Variants in XKR6 observed in about 807,000 individuals in gnomAD.
The protein encoded by XKR6 is XK related 6, also known as XK-related protein 6.
Under a neutral mutation model 56.7 loss-of-function variants are expected in XKR6, and 22 were observed. The ratio of observed to expected loss-of-function variants is 0.39; its 90% CI spans 0.28 to 0.55. The LOEUF (loss-of-function observed/expected upper bound fraction) is 0.55, where lower values mean the gene tolerates loss of function less well. XKR6 is among the 20% of genes least tolerant of loss of function. The pLI is 0.66. For missense variants in XKR6, 852 were observed against 889.0 expected (o/e 0.96, Z 0.53); for synonymous variants, 524 against 387.8 (o/e 1.35, Z -4.13).
chr8:10,916,069 A>C (rs1800556007), intron 2 of XKR6, among the ~76,000 whole-genome samples: 1 of 152,222 alleles, frequency 6.6e-6, no homozygotes, highest in Non-Finnish European at 1.5e-5. Flanking sequence ...ACCTGACCCC[A>C]AGATCAGCAC....
At chr8:11,000,802 G>C (rs574208283) in intron 1 of XKR6, among the ~76,000 whole-genome samples, 1 of 152,298 alleles carries the variant, frequency 6.6e-6, no homozygotes, top group African/African-American at 2.4e-5. Flanking sequence ...TTTTTAACTG[G>C]ATGTGAAGGG....
intron 1 of XKR6, among the ~76,000 whole-genome samples, chr8:11,031,164 G>C (rs978580386): frequency 6.6e-6 from 1 of 152,132 alleles, no homozygotes. Context: ...ATCCAAGCTG[G>C]GCCAATCAGA....
At chr8:10,903,483 G>C (rs1479954497) in intron 2 of XKR6, among the ~76,000 whole-genome samples, 1 of 152,144 alleles carries the variant, frequency 6.6e-6, no homozygotes, top group East Asian at 1.9e-4. Context: ...AGAAGGGCCT[G>C]GGGAGGTAGG....
intron 1 of XKR6, among the ~76,000 whole-genome samples, chr8:10,960,049 G>A (rs773763664): frequency 1.3e-5 from 2 of 152,194 alleles, no homozygotes; most frequent in Non-Finnish European, 2.9e-5. Context: ...CACCTTGTGT[G>A]TCTCACCCTA....
At chr8:11,148,943 A>G (rs1801130493) in intron 1 of XKR6, among the ~76,000 whole-genome samples, 1 of 152,264 alleles carries the variant, frequency 6.6e-6, no homozygotes, top group South Asian at 2.1e-4. Flanking sequence ...AATTCCATCA[A>G]CGTAAGATTC....
intron 1 of XKR6, among the ~76,000 whole-genome samples, chr8:11,196,627 G>A (rs1296597206): frequency 1.3e-5 from 2 of 152,182 alleles, no homozygotes; most frequent in African/African-American, 4.8e-5. Flanking sequence ...TATTTATTAA[G>A]AACACAAATC....
chr8:10,941,372 C>T (rs1801382470), intron 1 of XKR6, among the ~76,000 whole-genome samples: 1 of 152,242 alleles, frequency 6.6e-6, no homozygotes, highest in African/African-American at 2.4e-5. Flanking sequence ...TGCTTCTGCC[C>T]TGACCCCAGG....
chr8:11,195,534 T>C (rs1262192860), intron 1 of XKR6, among the ~76,000 whole-genome samples: 1 of 152,212 alleles, frequency 6.6e-6, no homozygotes, highest in Non-Finnish European at 1.5e-5. Flanking sequence ...GCACATCCAC[T>C]TCCTGATCAG....
chr8:11,164,000 A>C (rs1343398668), intron 1 of XKR6, among the ~76,000 whole-genome samples: 1 of 152,194 alleles, frequency 6.6e-6, no homozygotes, highest in Non-Finnish European at 1.5e-5. Context: ...ACATGCTTCC[A>C]AACAGTAATG....
At chr8:11,067,465 G>A (rs1245124682) in intron 1 of XKR6, among the ~76,000 whole-genome samples, 1 of 152,198 alleles carries the variant, frequency 6.6e-6, no homozygotes, top group Non-Finnish European at 1.5e-5. Flanking sequence ...GGCTTTTTGA[G>A]CCTTAACGTT....
rs982562203 is a variant in XKR6 at position 10,924,662 on chromosome 8, G to C, written c.933C>G (p.Leu311=). The change falls in exon 2 of 3, where the codon CTC becomes CTG. Residue 311 remains leucine (L), a synonymous_variant. Transcript: ENST00000416569. ...GCAGGGTCTCGGCGCTGTTCTTCTG[G>C]AGCATGATGTAGAGCTGTAGCACCA... ...PQLVLQLYIM[L]QKNSAETLPC... is the part of the protein sequence containing the mutation. 1 of 1,611,048 alleles carries C rather than the reference G, an allele frequency of 6.2e-7. No homozygotes were observed. The highest frequency in any genetic ancestry group is 8.5e-7 in the Non-Finnish European group (1 of 1,178,624).
chr8:11,118,708 T>C (rs1799297656), intron 1 of XKR6, among the ~76,000 whole-genome samples: 1 of 152,316 alleles, frequency 6.6e-6, no homozygotes, highest in Middle Eastern at 3.4e-3. Context: ...TTTTCTTCTT[T>C]ATTAGTCTTG....
chr8:10,990,269 C>A (rs977943691), intron 1 of XKR6, among the ~76,000 whole-genome samples: 2 of 152,210 alleles, frequency 1.3e-5, no homozygotes, highest in African/African-American at 4.8e-5. Context: ...AAGGAGGCTG[C>A]TGTGGAGGTC....
At chr8:10,982,108 T>C (rs563271127) in intron 1 of XKR6, among the ~76,000 whole-genome samples, 10 of 152,218 alleles carry the variant, frequency 6.6e-5, no homozygotes, top group African/African-American at 2.4e-4. Context: ...ATGCAATCAA[T>C]GAAGTCTACA....
chr8:10,975,304 G>A (rs568785374), intron 1 of XKR6, among the ~76,000 whole-genome samples: 25 of 152,312 alleles, frequency 1.6e-4, no homozygotes, highest in African/African-American at 5.8e-4. Context: ...GGCTTCGAGC[G>A]ACTTCTCCAA....
At chr8:10,951,158 C>G (rs1218354834) in intron 1 of XKR6, among the ~76,000 whole-genome samples, 1 of 152,200 alleles carries the variant, frequency 6.6e-6, no homozygotes, top group Admixed American at 6.5e-5. Flanking sequence ...CCACAGCACC[C>G]CAGGTCCCTG....
chr8:11,154,464 G>C (rs1490814887), intron 1 of XKR6, among the ~76,000 whole-genome samples: 1 of 152,204 alleles, frequency 6.6e-6, no homozygotes, highest in African/African-American at 2.4e-5. Flanking sequence ...GGCTTCCTTT[G>C]GCTTCCTTTG....
chr8:11,142,167 T>C (rs1321907696), intron 1 of XKR6, among the ~76,000 whole-genome samples: 5 of 152,118 alleles, frequency 3.3e-5, no homozygotes, highest in East Asian at 1.9e-4. Context: ...ACAGAAGCAA[T>C]GATAAACCCA....
intron 1 of XKR6, among the ~76,000 whole-genome samples, chr8:11,071,984 C>CAGAGCTCCTCTCAACAACCACATTGCA (rs767583571): frequency 7.7e-4 from 117 of 152,258 alleles, no homozygotes; most frequent in Non-Finnish European, 1.4e-3. Context: ...AAACACACAG[C>CAGAGCTCCTCTCAACAACCACATTGCA]CAAGATAAAT....
Sources: gnomAD v4.1 joint callset for allele counts (sites outside exome capture counted in the v4.1 genomes callset) on GRCh38, gnomAD v4.1.1 for gene constraint, MANE v1.5 for transcripts, NCBI Gene and HGNC (gene_info 2026-07-23, HGNC 2026-07-21) for gene names.